Variants in SDCCAG8 observed in about 807,000 individuals in gnomAD.
The protein encoded by SDCCAG8 is SHH signaling and ciliogenesis regulator SDCCAG8.
SDCCAG8 carries 74 observed loss-of-function variants against 101.8 expected under a neutral mutation model. The ratio of observed to expected loss-of-function variants is 0.73; its 90% CI spans 0.60 to 0.88. SDCCAG8 has a LOEUF of 0.88. Ranked by LOEUF, SDCCAG8 falls within the 40% of genes least tolerant of loss-of-function variation. The pLI, the probability that SDCCAG8 is intolerant of heterozygous loss-of-function variation, is 0.00. For missense variants in SDCCAG8, 787 were observed against 822.6 expected (o/e 0.96, Z 0.53); for synonymous variants, 281 against 292.9 (o/e 0.96, Z 0.41).
At chr1:243,320,585 T>TAGATTCAACTTCTGGCCCC (rs2073672571) in intron 9 of SDCCAG8, among the ~76,000 whole-genome samples, 1 of 152,124 alleles carries the variant, frequency 6.6e-6, no homozygotes, top group African/African-American at 2.4e-5. Flanking sequence ...TAGCCAGACT[T>TAGATTCAACTTCTGGCCCC]AGATTCAACT....
chr1:243,300,117 C>G (rs2071357399), intron 6 of SDCCAG8, among the ~76,000 whole-genome samples: 1 of 152,108 alleles, frequency 6.6e-6, no homozygotes, highest in Non-Finnish European at 1.5e-5. Context: ...CCCGCCTTGG[C>G]CTGCCAAAGT....
At chr1:243,449,202 G>A (rs1484510212) in intron 16 of SDCCAG8, among the ~76,000 whole-genome samples, 1 of 152,150 alleles carries the variant, frequency 6.6e-6, no homozygotes, top group Non-Finnish European at 1.5e-5. Flanking sequence ...GTTATTAGTT[G>A]ATCCTTATTT....
At chr1:243,328,175 T>G (rs2074336551) in intron 9 of SDCCAG8, among the ~76,000 whole-genome samples, 1 of 152,178 alleles carries the variant, frequency 6.6e-6, no homozygotes, top group Non-Finnish European at 1.5e-5. Context: ...GTGCTGGGAT[T>G]AAAGACATGA....
chr1:243,430,295 C>T (rs1177371147), intron 16 of SDCCAG8, among the ~76,000 whole-genome samples: 2 of 152,004 alleles, frequency 1.3e-5, no homozygotes, highest in Non-Finnish European at 2.9e-5. Context: ...ATGGAAGTTC[C>T]TGAGATAAGA....
intron 16 of SDCCAG8, among the ~76,000 whole-genome samples, chr1:243,487,200 GT>G (rs1392161901): frequency 1.3e-5 from 2 of 152,184 alleles, no homozygotes; most frequent in Non-Finnish European, 2.9e-5. Flanking sequence ...GCCTAGGCAG[GT>G]TCCCCAGTCC....
chr1:243,350,188 G>C (rs992351570), intron 12 of SDCCAG8, among the ~76,000 whole-genome samples: 1 of 152,060 alleles, frequency 6.6e-6, no homozygotes, highest in African/African-American at 2.4e-5. Context: ...CTGCCTGCAA[G>C]CCCTAAAAGT....
intron 13 of SDCCAG8, among the ~76,000 whole-genome samples, chr1:243,390,775 C>T (rs2078652966): frequency 6.6e-6 from 1 of 152,164 alleles, no homozygotes; most frequent in Non-Finnish European, 1.5e-5. Context: ...CAATGAGCAT[C>T]AGGTTCAATG....
intron 16 of SDCCAG8, among the ~76,000 whole-genome samples, chr1:243,429,679 C>T (rs2081581232): frequency 6.6e-6 from 1 of 150,410 alleles, no homozygotes; most frequent in Non-Finnish European, 1.5e-5. Context: ...CAGGTACATA[C>T]CACCATGCTC....
At chr1:243,370,275 CATGAT>C (rs2077213432) in intron 12 of SDCCAG8, among the ~76,000 whole-genome samples, 1 of 151,832 alleles carries the variant, frequency 6.6e-6, no homozygotes, top group Non-Finnish European at 1.5e-5. Context: ...ACTGAAAAAG[CATGAT>C]AGGATTAGGG....
At chr1:243,406,702 C>G (rs376457248) in intron 13 of SDCCAG8, among the ~76,000 whole-genome samples, 14 of 152,186 alleles carry the variant, frequency 9.2e-5, no homozygotes, top group Admixed American at 3.3e-4. Context: ...CTCCAAGTCT[C>G]GTCTTTCTTC....
intron 12 of SDCCAG8, among the ~76,000 whole-genome samples, chr1:243,365,093 G>A (rs1183004626): frequency 6.6e-6 from 1 of 152,132 alleles, no homozygotes; most frequent in Non-Finnish European, 1.5e-5. Flanking sequence ...TTCCACATTT[G>A]AAGGGAAATG....
chr1:243,348,883 G>A (rs1366775893), intron 12 of SDCCAG8, among the ~76,000 whole-genome samples: 1 of 152,000 alleles, frequency 6.6e-6, no homozygotes, highest in East Asian at 1.9e-4. Flanking sequence ...CTACTCAGGA[G>A]GGTGAGGCAG....
intron 16 of SDCCAG8, among the ~76,000 whole-genome samples, chr1:243,445,801 C>A (rs2082861210): frequency 1.3e-5 from 2 of 152,200 alleles, no homozygotes. Flanking sequence ...TCAGGCACAC[C>A]TAATTGGACA....
chr1:243,308,493 A>G (rs770106929), intron 8 of SDCCAG8, among the ~76,000 whole-genome samples: 1 of 152,240 alleles, frequency 6.6e-6, no homozygotes, highest in Admixed American at 6.5e-5. Context: ...CTATGAATCT[A>G]TGATTACAAA....
chr1:243,350,461 A>T (rs963283128), intron 12 of SDCCAG8, among the ~76,000 whole-genome samples: 1 of 151,836 alleles, frequency 6.6e-6, no homozygotes, highest in Non-Finnish European at 1.5e-5. Flanking sequence ...CAGGCAATCC[A>T]CCTGCCTCGG....
chr1:243,289,243 A>G lies in SDCCAG8; in HGVS notation c.546+2846A>G, dbSNP rs577995336. Among the ~76,000 whole-genome samples the G allele has an allele frequency of 2.6e-5, 4 of 152,306 alleles. No homozygotes were observed. In the East Asian group the frequency reaches 5.8e-4, roughly 22 times the overall value. On this transcript the variant is annotated intron_variant, in intron 5 of 17. Transcript: ENST00000366541. ...TGTCTGAGGTACAAGAACAGGAAGCATCTAGCACAGGAGAAAGATGTAGGC... is the reference window on the plus strand; with the variant it reads ...TGTCTGAGGTACAAGAACAGGAAGCGTCTAGCACAGGAGAAAGATGTAGGC...
At chr1:243,332,661 G>A (rs184243413) in intron 10 of SDCCAG8, among the ~76,000 whole-genome samples, 11 of 151,860 alleles carry the variant, frequency 7.2e-5, no homozygotes, top group South Asian at 2.1e-4. Context: ...TCGCGGTCCC[G>A]GTCTGGAGGT....
At position 243,407,250 on chromosome 1, in the gene SDCCAG8, C is replaced by T. The variant is rs1474469991; in HGVS notation, c.1617-8452C>T. ...GCCATGGAATGGAAAGAACACTGGA[C>T]TTGGAGTGAGAAGACAGATTTGGAT... On this transcript the variant is annotated intron_variant, in intron 13 of 17. Coordinates refer to ENST00000366541, the MANE Select transcript of SDCCAG8 (RefSeq NM_006642.5). Among the ~76,000 whole-genome samples the T allele has an allele frequency of 2.6e-5, 4 of 152,164 alleles. No homozygotes were observed. The East Asian group carries it at 7.7e-4, about 29-fold the overall frequency.
Position 243,270,237 on chromosome 1 carries a change from A to C in SDCCAG8, c.200A>C (p.Glu67Ala). Residue 67 changes from glutamate to alanine, a missense_variant, in exon 2 of 18, where the codon GAA (glutamate) becomes GCA (alanine). Physicochemically the swap from Glu to Ala is moderately radical, Grantham distance 107 (BLOSUM62 -1). Transcript: ENST00000366541. ...GAGGACGCCAGGACAGCCTGGCCCG[A>C]ATTACAACAGAGCCATGCTGGTGAG... ...GNEDARTAWP[E>A]LQQSHAVNQL... 1 of 1,614,152 alleles carries C rather than the reference A, an allele frequency of 6.2e-7. No homozygotes were observed. Among genetic ancestry groups the C allele is most frequent in the South Asian group, 1.1e-5 (1 of 91,058 alleles).
Sources: gnomAD v4.1 joint callset for allele counts (sites outside exome capture counted in the v4.1 genomes callset) on GRCh38, gnomAD v4.1.1 for gene constraint, MANE v1.5 for transcripts, NCBI Gene and HGNC (gene_info 2026-07-23, HGNC 2026-07-21) for gene names.